The following STX8 variants were observed in gnomAD, a reference collection of about 807,000 sequenced individuals.
STX8 encodes syntaxin-8.
STX8 carries 23 observed loss-of-function variants against 37.5 expected under a neutral mutation model. That is an observed-to-expected ratio of 0.61 (90% CI 0.44 to 0.87). The LOEUF (loss-of-function observed/expected upper bound fraction) is 0.87, where lower values mean the gene tolerates loss of function less well. Ranked by LOEUF, STX8 falls within the 40% of genes least tolerant of loss-of-function variation. The pLI is 0.00. For missense variants in STX8, 313 were observed against 284.7 expected, an observed-to-expected ratio of 1.10 and a Z score of -0.71; for synonymous variants, 115 against 99.1, an observed-to-expected ratio of 1.16 and a Z score of -0.95.
Position 9,487,720 on chromosome 17 carries a change from C to T in STX8, c.541+4109G>A, listed in dbSNP as rs534465352. 2.0e-5 allele frequency among the ~76,000 whole-genome samples: 3 copies of T among 152,018 alleles called. No individual in the cohort carries two copies. In the South Asian group the frequency reaches 6.2e-4, roughly 32 times the overall value. ...CCCGGGTATGAGATGGAGATGAGGACAGGGGAGGTGTGGGGGAAGCAGCAA... is the reference window on the plus strand; with the variant it reads ...CCCGGGTATGAGATGGAGATGAGGATAGGGGAGGTGTGGGGGAAGCAGCAA... On this transcript the variant is annotated intron_variant, in intron 6 of 7. Coordinates refer to ENST00000306357, the MANE Select transcript of STX8 (RefSeq NM_004853.3).
At chr17:9,272,160 A>G (rs1480224577) in intron 7 of STX8, among the ~76,000 whole-genome samples, 2 of 152,250 alleles carry the variant, frequency 1.3e-5, no homozygotes, top group African/African-American at 2.4e-5. Flanking sequence ...TGGGACCAAC[A>G]GCAGCAGCTG....
intron 6 of STX8, among the ~76,000 whole-genome samples, chr17:9,426,852 A>G (rs7208392): frequency 0.11 from 16,736 of 152,186 alleles, 2,829 homozygotes; most frequent in African/African-American, 0.36. Context: ...ATAATTCAAT[A>G]TAAGTTATAT....
At chr17:9,551,506 T>C (rs780547533) in intron 3 of STX8, among the ~76,000 whole-genome samples, 46 of 152,196 alleles carry the variant, frequency 3.0e-4, no homozygotes, top group Non-Finnish European at 6.3e-4. Flanking sequence ...TGTATGCATA[T>C]AATCTCATCC....
At chr17:9,427,978 C>T (rs1292154862) in intron 6 of STX8, among the ~76,000 whole-genome samples, 1 of 152,158 alleles carries the variant, frequency 6.6e-6, no homozygotes, top group African/African-American at 2.4e-5. Flanking sequence ...ATACTGACAT[C>T]ATTCCTCTGC....
chr17:9,571,877 T>C (rs1748311845), intron 1 of STX8, among the ~76,000 whole-genome samples: 1 of 149,308 alleles, frequency 6.7e-6, no homozygotes, highest in Non-Finnish European at 1.5e-5. Context: ...ATCATGCCAC[T>C]GCACTCCAGC....
chr17:9,427,812 G>A (rs750009007), intron 6 of STX8, among the ~76,000 whole-genome samples: 5 of 152,114 alleles, frequency 3.3e-5, no homozygotes, highest in Non-Finnish European at 4.4e-5. Context: ...CTGGGTGCAG[G>A]CACTCATTTT....
chr17:9,453,097 C>T (rs763486544), intron 6 of STX8, among the ~76,000 whole-genome samples: 8 of 152,044 alleles, frequency 5.3e-5, no homozygotes, highest in South Asian at 2.1e-4. Context: ...TGAGCCACCG[C>T]GCCTGGCCAG....
chr17:9,330,242 C>A (rs1219311456), intron 7 of STX8, among the ~76,000 whole-genome samples: 1 of 152,170 alleles, frequency 6.6e-6, no homozygotes, highest in Non-Finnish European at 1.5e-5. Context: ...CACAGCCTTC[C>A]AACTGTTCTT....
chr17:9,297,469 G>A (rs1040035388), intron 7 of STX8, among the ~76,000 whole-genome samples: 2 of 152,160 alleles, frequency 1.3e-5, no homozygotes, highest in African/African-American at 4.8e-5. Context: ...TTCCTTGGTT[G>A]GTACATGAAA....
At chr17:9,279,054 G>GTTTT (rs201339409) in intron 7 of STX8, among the ~76,000 whole-genome samples, 1 of 105,648 alleles carries the variant, frequency 9.5e-6, no homozygotes, top group Non-Finnish European at 2.0e-5. Flanking sequence ...CTGTGTGTGT[G>GTTTT]TTTTTTGTTT....
At chr17:9,351,314 C>A (rs781467142) in intron 7 of STX8, among the ~76,000 whole-genome samples, 8 of 151,606 alleles carry the variant, frequency 5.3e-5, no homozygotes, top group Non-Finnish European at 8.8e-5. Context: ...CGCACCACCA[C>A]ACCTGGCTAA....
intron 7 of STX8, among the ~76,000 whole-genome samples, chr17:9,266,080 C>T (rs994147659): frequency 2.6e-5 from 4 of 152,104 alleles, no homozygotes; most frequent in South Asian, 4.1e-4. Flanking sequence ...CCTTCCTACA[C>T]GCCATCAGGA....
intron 6 of STX8, among the ~76,000 whole-genome samples, chr17:9,477,017 T>G (rs182924963): frequency 6.6e-6 from 1 of 151,856 alleles, no homozygotes; most frequent in Non-Finnish European, 1.5e-5. Context: ...GGCTAATTTT[T>G]TTATTATTAT....
intron 7 of STX8, among the ~76,000 whole-genome samples, chr17:9,311,796 A>G (rs1039292616): frequency 6.6e-6 from 1 of 152,214 alleles, no homozygotes; most frequent in Admixed American, 6.5e-5. Context: ...TACTTGAAAC[A>G]GTGCCTGATA....
Position 9,468,151 on chromosome 17 carries a change from C to T in STX8, c.541+23678G>A, listed in dbSNP as rs550837612. 5.9e-5 allele frequency among the ~76,000 whole-genome samples: 9 copies of T among 152,100 alleles called. No individual in the cohort carries two copies. The South Asian group carries it at 6.2e-4, about 11-fold the overall frequency. On this transcript the variant is annotated intron_variant, in intron 6 of 7. Coordinates refer to ENST00000306357, the MANE Select transcript of STX8 (RefSeq NM_004853.3). The stretch of plus-strand genomic sequence containing the variant: ...TGAGATGGAGTTTTGCTCTTGTCAC[C>T]CAGGCTGGAGTGCAGTGGCACCATC...
At chr17:9,444,477 T>C (rs1904771725) in intron 6 of STX8, among the ~76,000 whole-genome samples, 1 of 152,204 alleles carries the variant, frequency 6.6e-6, no homozygotes, top group South Asian at 2.1e-4. Flanking sequence ...ATCTGGTCCT[T>C]CCTTAATTAA....
At chr17:9,388,725 C>T (rs1481381623) in intron 6 of STX8, among the ~76,000 whole-genome samples, 1 of 151,142 alleles carries the variant, frequency 6.6e-6, no homozygotes, top group Non-Finnish European at 1.5e-5. Flanking sequence ...ATTGCTTGAA[C>T]CCAGGAGGCG....
At chr17:9,387,436 A>G (rs1347867845) in intron 6 of STX8, among the ~76,000 whole-genome samples, 1 of 152,090 alleles carries the variant, frequency 6.6e-6, no homozygotes, top group Admixed American at 6.5e-5. Context: ...ATGGGACTAC[A>G]GGCGCCCGCC....
At chr17:9,572,089 C>T (rs554375696) in intron 1 of STX8, among the ~76,000 whole-genome samples, 127 of 152,194 alleles carry the variant, frequency 8.3e-4, no homozygotes, top group African/African-American at 3.0e-3. Context: ...CAAAGAAGAC[C>T]ATGCTACCAA....
Sources: allele counts gnomAD v4.1 joint callset (sites outside exome capture counted in the v4.1 genomes callset), GRCh38; gene constraint gnomAD v4.1.1; transcripts MANE v1.5; gene names NCBI Gene and HGNC (gene_info 2026-07-23, HGNC 2026-07-21).